FETUB: variants seen among roughly 807,000 people sequenced by gnomAD.
FETUB encodes the protein fetuin-B.
A neutral mutation model predicts 30.9 loss-of-function variants in FETUB; 28 were observed. The observed-to-expected ratio is 0.90, with a 90% CI of 0.67 to 1.24. The LOEUF is 1.24. FETUB is among the 50% of genes most tolerant of loss of function. The pLI is 0.00. For missense variants in FETUB, 469 were observed against 455.3 expected (o/e 1.03, Z -0.27); for synonymous variants, 186 against 175.9 (o/e 1.06, Z -0.45).
At position 186,652,547 on chromosome 3, in the gene FETUB, C is replaced by A. The variant is rs775749429; in HGVS notation, c.1065C>A (p.Val355=). The A allele has an allele frequency of 6.2e-7, 1 of 1,614,050 alleles. No homozygotes were observed. The highest frequency in any genetic ancestry group is 8.5e-7 in the Non-Finnish European group (1 of 1,180,000). Reference sequence around the variant, plus strand: ...AGCCTATGGAGGAGAAGCTGGTGGTCCTGCCTTTCCCCAAAGAAAAAGCAC... The same window carrying A: ...AGCCTATGGAGGAGAAGCTGGTGGTACTGCCTTTCCCCAAAGAAAAAGCAC... ...FLEPMEEKLV[V]LPFPKEKART... Residue 355 remains valine, a synonymous_variant, in exon 7 of 7, where the codon GTC becomes GTA. Transcript: ENST00000265029.
intron 5 of FETUB, among the ~76,000 whole-genome samples, chr3:186,650,063 T>A (rs1560027080): frequency 6.7e-6 from 1 of 150,278 alleles, no homozygotes; most frequent in Non-Finnish European, 1.5e-5. Context: ...AACCATCCAT[T>A]GATGGACACA....
chr3:186,652,202 G>C (rs1718102633), intron 6 of FETUB, 61 bp from the exon 7 acceptor site: 1 of 1,510,652 alleles, frequency 6.6e-7, no homozygotes, highest in Non-Finnish European at 8.9e-7. Flanking sequence ...GCTTAGGCTG[G>C]TACTAGGCAT....
At chr3:186,646,686 A>G (rs1289750735) in intron 5 of FETUB, among the ~76,000 whole-genome samples, 1 of 152,206 alleles carries the variant, frequency 6.6e-6, no homozygotes. Flanking sequence ...ACAAAGTCAA[A>G]TAGGCCTTCA....
rs886193877 is a variant in FETUB, at chr3:186,640,424, C to T, written c.-37C>T. 9 of 1,557,914 alleles carry T rather than the reference C, an allele frequency of 5.8e-6. No homozygotes were observed. The highest frequency in any genetic ancestry group is 8.0e-6 in the Non-Finnish European group (9 of 1,129,298). The stretch of plus-strand genomic sequence containing the variant: ...ACAAGCCAGCCAGTCCCTGCAGCTC[C>T]ACAAACTGACCCATCCTGGGCCTTG... On this transcript the variant is annotated 5_prime_UTR_variant, in exon 1 of 7. Coordinates refer to ENST00000265029, the MANE Select transcript of FETUB (RefSeq NM_014375.3).
At chr3:186,648,169 T>C (rs963677758) in intron 5 of FETUB, among the ~76,000 whole-genome samples, 1 of 152,220 alleles carries the variant, frequency 6.6e-6, no homozygotes, top group African/African-American at 2.4e-5. Flanking sequence ...TTGTACACGG[T>C]GTGAGGCAGG....
Position 186,642,259 on chromosome 3 carries a change from T to TTG in FETUB, c.337-212_337-211insTG, listed in dbSNP as rs1485240305. 1.1e-4 allele frequency: 57 copies of TTG among 528,870 alleles called. No individual in the cohort carries two copies. In the East Asian group the frequency reaches 1.6e-3, roughly 15 times the overall value. 32.8% of individuals were successfully genotyped at this position (528,870 alleles called of 1,614,324 possible). A position where few individuals can be genotyped will look rare whatever the true frequency, so the allele number is the denominator to read the frequency against. The stretch of plus-strand genomic sequence containing the variant: ...GAACTCAATTATACACAGTCACACG[T>TTG]GTTGGGGAGGCTTGGAAACATATTC... On this transcript the variant is annotated intron_variant, in intron 2 of 6. Transcript: ENST00000265029.
At chr3:186,642,201 T>C (rs1717116684) in intron 2 of FETUB, 1 of 376,158 alleles carries the variant, frequency 2.7e-6, no homozygotes, top group Admixed American at 4.6e-5. Context: ...TGGAAATGGT[T>C]ACACCTCACT....
Position 186,640,531 on chromosome 3 carries a change from T to C in FETUB, c.71T>C (p.Leu24Pro), listed in dbSNP as rs1363184236. The change falls in exon 1 of 7, where the codon CTG becomes CCG. Residue 24 changes from leucine to proline, a missense_variant. Physicochemically the swap from Leu to Pro is moderately conservative, Grantham distance 98. Coordinates refer to ENST00000265029, the MANE Select transcript of FETUB (RefSeq NM_014375.3). Reference protein sequence around the residue: ...LCCGAMSPPQLALNPSALLSR... With the variant: ...LCCGAMSPPQPALNPSALLSR... ...TGCGGAGCAATGTCTCCACCCCAGC[T>C]GGCCCTCAACCCCTCGGCTCTGCTC... is the stretch of plus-strand genomic sequence containing the variant. The C allele has an allele frequency of 6.2e-7, 1 of 1,614,116 alleles. No individual in the cohort carries two copies. The highest frequency in any genetic ancestry group is 8.5e-7 in the Non-Finnish European group (1 of 1,180,038).
At chr3:186,652,133 G>A (rs767803397) in intron 6 of FETUB, 130 bp from the exon 7 acceptor site, 151 of 1,005,008 alleles carry the variant, frequency 1.5e-4, no homozygotes, top group Non-Finnish European at 2.0e-4. Context: ...CTTTCACCAG[G>A]AGGCCCATCC....
At chr3:186,637,615 A>G (rs530061361), upstream of FETUB, among the ~76,000 whole-genome samples, 2 of 152,348 alleles carry the variant, frequency 1.3e-5, no homozygotes, top group South Asian at 4.1e-4. Flanking sequence ...AGGGAAAATC[A>G]GCCTTGTTTC....
rs569800398 is a variant in FETUB at position 186,643,452 on chromosome 3, T to C, written c.424+894T>C. ...GCTCCCCTGGTGGATCCTGTGCAAG[T>C]GTAGATTCTGATTCCACAGGTCTTG... On this transcript the variant is annotated intron_variant, in intron 3 of 6. Transcript: ENST00000265029. 3.3e-5 allele frequency among the ~76,000 whole-genome samples: 5 copies of C among 152,292 alleles called. No homozygotes were observed. The South Asian group carries it at 1.0e-3, about 32-fold the overall frequency.
In FETUB at chr3:186,652,272, A is replaced by G. The variant is rs763130941; in HGVS notation, c.790A>G (p.Thr264Ala). 6.5e-7 allele frequency: 1 copy of G among 1,545,086 alleles called. No homozygotes were observed. Among genetic ancestry groups the G allele is most frequent in the South Asian group, 1.3e-5 (1 of 77,322 alleles). ...AATGTTCTCATTCCAGGCTCCAGCC[A>G]CTGGAAGTGAAAACTCTGCTGTTAA... is the stretch of plus-strand genomic sequence containing the variant. ...CDFFESQAPA[T>A]GSENSAVNQK... is the part of the protein sequence containing the mutation. Residue 264 changes from threonine to alanine, a missense_variant, in exon 7 of 7, where the codon ACT becomes GCT. Coordinates refer to ENST00000265029, the MANE Select transcript of FETUB (RefSeq NM_014375.3).
chr3:186,638,912 G>A (rs1037412495), upstream of FETUB, among the ~76,000 whole-genome samples: 5 of 152,094 alleles, frequency 3.3e-5, no homozygotes, highest in Admixed American at 6.5e-5. Flanking sequence ...TGCTAGTATC[G>A]TTCCTATTTG....
At chr3:186,638,813 C>G (rs1301910791), upstream of FETUB, among the ~76,000 whole-genome samples, 4 of 152,178 alleles carry the variant, frequency 2.6e-5, no homozygotes, top group African/African-American at 9.7e-5. Context: ...GTACGTTGCT[C>G]AAGCTCAATG....
At chr3:186,644,049 T>C (rs1464480312) in intron 3 of FETUB, among the ~76,000 whole-genome samples, 1 of 152,236 alleles carries the variant, frequency 6.6e-6, no homozygotes, top group Non-Finnish European at 1.5e-5. Context: ...GATATTTCCA[T>C]ATATATACTG....
intron 5 of FETUB, among the ~76,000 whole-genome samples, chr3:186,647,333 C>T (rs1038149634): frequency 2.6e-5 from 4 of 152,108 alleles, no homozygotes; most frequent in South Asian, 4.1e-4. Context: ...CCATTTCTCT[C>T]GAGTATATAC....
rs560519355 is a variant in FETUB, at chr3:186,640,902, T to G, written c.226-128T>G. 5.4e-5 allele frequency: 37 copies of G among 691,346 alleles called. No homozygotes were observed. In the Middle Eastern group the frequency reaches 9.5e-4, roughly 18 times the overall value. 42.8% of individuals were successfully genotyped at this position (691,346 alleles called of 1,614,324 possible). ...TCCTACTCTGACACTTGTGTCAGAT[T>G]TAATGGTTTACGGGGAATCTTCACA... On this transcript the variant is annotated intron_variant, in intron 1 of 6. Transcript: ENST00000265029.
At chr3:186,640,334 C>G (rs1388997211), upstream of FETUB, 1 of 710,574 alleles carries the variant, frequency 1.4e-6, no homozygotes, top group East Asian at 2.5e-5. Flanking sequence ...GTTCAGAATT[C>G]AAGGTGAACT....
rs999869267 is a variant in FETUB at position 186,652,495 on chromosome 3, C to A, written c.1013C>A (p.Thr338Asn). The A allele has an allele frequency of 5.0e-6, 8 of 1,614,148 alleles. No individual in the cohort carries two copies. The highest frequency in any genetic ancestry group is 5.9e-6 in the Non-Finnish European group (7 of 1,180,034). The change falls in exon 7 of 7, where the codon ACC becomes AAC. Residue 338 changes from threonine to asparagine, a missense_variant. Coordinates refer to ENST00000265029, the MANE Select transcript of FETUB (RefSeq NM_014375.3). ...LDLTTNPQGE[T>N]LDISFLFLEP... ...CTAACCACGAATCCCCAGGGAGAAA[C>A]CCTGGATATTTCCTTCCTCTTCCTG...
Sources: gnomAD v4.1 joint callset for allele counts (sites outside exome capture counted in the v4.1 genomes callset) on GRCh38, gnomAD v4.1.1 for gene constraint, MANE v1.5 for transcripts, NCBI Gene and HGNC (gene_info 2026-07-23, HGNC 2026-07-21) for gene names.